ACSL1: variants seen among roughly 807,000 people sequenced by gnomAD.
ACSL1 encodes acyl-CoA synthetase long chain family member 1.
Under a neutral mutation model 98.4 loss-of-function variants are expected in ACSL1, and 41 were observed. The ratio of observed to expected loss-of-function variants is 0.42; its 90% CI spans 0.32 to 0.54. The LOEUF is 0.54. Ranked by LOEUF, ACSL1 falls within the 20% of genes least tolerant of loss-of-function variation. The probability of loss-of-function intolerance (pLI) is 0.13; values close to 1 mark genes in which losing one functional copy is unlikely to be tolerated. For synonymous variants in ACSL1, 316 were observed against 322.7 expected (o/e 0.98, Z 0.22); for missense variants, 734 against 883.1 (o/e 0.83, Z 2.14).
chr4:184,809,978 G>C (rs1397061087), intron 1 of ACSL1, among the ~76,000 whole-genome samples: 1 of 152,168 alleles, frequency 6.6e-6, no homozygotes, highest in East Asian at 1.9e-4. Context: ...TGAAATTGAA[G>C]CAGTTTTTGA....
intron 4 of ACSL1, among the ~76,000 whole-genome samples, chr4:184,781,059 A>AC (rs1235619055): frequency 4.0e-5 from 6 of 151,700 alleles, no homozygotes; most frequent in African/African-American, 9.7e-5. Flanking sequence ...ACATGGTAAA[A>AC]CCCCGTCTCT....
Position 184,797,760 on chromosome 4 carries a change from C to T in ACSL1, c.195+5560G>A, listed in dbSNP as rs1006374912. 2.6e-5 allele frequency among the ~76,000 whole-genome samples: 4 copies of T among 152,290 alleles called. No homozygotes were observed. The South Asian group carries it at 6.2e-4, about 24-fold the overall frequency. On this transcript the variant is annotated intron_variant, in intron 2 of 20. Coordinates refer to ENST00000281455, the MANE Select transcript of ACSL1 (RefSeq NM_001995.5). ...CACCCTCTGCCAAGGACAAGGGGTC[C>T]GAGCGGTACTTCCTGCTGGCCTGGA...
chr4:184,762,356 T>C, intron 17 of ACSL1, 51 bp downstream of exon 17: 1 of 1,475,218 alleles, frequency 6.8e-7, no homozygotes, highest in Non-Finnish European at 9.5e-7. Context: ...AGACATTTTC[T>C]TCCCCACAGT....
Position 184,757,406 on chromosome 4 carries a change from A to C in ACSL1, c.1957-141T>G. Reference sequence around the variant, plus strand: ...TCAGCCAAGCTGCACCTTCTCAACAAAGGACAGGCATCCTATTCTTAGGAT... The same window carrying C: ...TCAGCCAAGCTGCACCTTCTCAACACAGGACAGGCATCCTATTCTTAGGAT... On this transcript the variant is annotated intron_variant, in intron 20 of 20. Coordinates refer to ENST00000281455, the MANE Select transcript of ACSL1 (RefSeq NM_001995.5). The surrounding 1 kb of genome is among the most constrained non-coding windows in gnomAD (Gnocchi z 4.5). 1.8e-6 allele frequency: 2 copies of C among 1,104,722 alleles called. No homozygotes were observed. Among genetic ancestry groups the C allele is most frequent in the Non-Finnish European group, 2.6e-6 (2 of 783,894 alleles). 68.4% of individuals were successfully genotyped at this position (1,104,722 alleles called of 1,614,324 possible). A position where few individuals can be genotyped will look rare whatever the true frequency, so the allele number is the denominator to read the frequency against.
In ACSL1 at chr4:184,773,532, G is replaced by A; in HGVS notation, c.841+131C>T. 1 of 810,428 alleles carries A rather than the reference G, an allele frequency of 1.2e-6. No individual in the cohort carries two copies. The highest frequency in any genetic ancestry group is 1.8e-5 in the South Asian group (1 of 55,108). 50.2% of individuals were successfully genotyped at this position (810,428 alleles called of 1,614,324 possible). On this transcript the variant is annotated intron_variant, in intron 9 of 20. Coordinates refer to ENST00000281455, the MANE Select transcript of ACSL1 (RefSeq NM_001995.5). The surrounding 1 kb of genome is among the most constrained non-coding windows in gnomAD (Gnocchi z 4.3). ...GATCTTACAGAGCAACAAGAAGACA[G>A]CACTTGAACCGCTTCCTTCTCTTCT...
rs41278585 is a variant in ACSL1, at chr4:184,763,170, G to A, written c.1518C>T (p.Gly506=). ...ATGACTGACGGTTTTCACTCACCTC[G>A]CCCTCGCCCTCGGCAGCCATGTAAT... ...EMNYMAAEGE[G]EVCVKGPNVF... is the part of the protein sequence containing the mutation. Residue 506 remains glycine, a synonymous_variant, in exon 16 of 21, where the codon GGC becomes GGT. Coordinates refer to ENST00000281455, the MANE Select transcript of ACSL1 (RefSeq NM_001995.5). 13,695 of 1,613,058 alleles carry A rather than the reference G, an allele frequency of 8.5e-3. 109 individuals are homozygous for A. The highest frequency in any genetic ancestry group is 0.024 in the Middle Eastern group (147 of 6,054).
intron 2 of ACSL1, among the ~76,000 whole-genome samples, chr4:184,800,648 C>T (rs1159901062): frequency 2.6e-5 from 4 of 152,200 alleles, no homozygotes; most frequent in East Asian, 1.9e-4. Flanking sequence ...TTCCTTGGCA[C>T]GCAGGGCATC....
At chr4:184,760,960 T>C (rs964273377) in intron 17 of ACSL1, among the ~76,000 whole-genome samples, 3 of 152,260 alleles carry the variant, frequency 2.0e-5, no homozygotes, top group Non-Finnish European at 2.9e-5. Flanking sequence ...TCCTGTTTTC[T>C]TCCTCGATGT....
chr4:184,808,352 C>G, intron 1 of ACSL1: 1 of 985,414 alleles, frequency 1.0e-6, no homozygotes, highest in Non-Finnish European at 1.2e-6. Flanking sequence ...CTGGATGTTT[C>G]TCTCCTTCTA....
intron 7 of ACSL1, 36 bp downstream of exon 7, chr4:184,776,448 A>T: frequency 6.3e-7 from 1 of 1,593,612 alleles, no homozygotes; most frequent in Non-Finnish European, 8.5e-7. Context: ...GCCCCAGGGA[A>T]AGCCTTCAGA....
At chr4:184,818,066 A>G (rs1337301169) in intron 1 of ACSL1, among the ~76,000 whole-genome samples, 1 of 152,006 alleles carries the variant, frequency 6.6e-6, no homozygotes. Context: ...CCCCTCAAGA[A>G]CTCAGTTCCG....
At chr4:184,789,702 C>A (rs1175105318) in intron 2 of ACSL1, among the ~76,000 whole-genome samples, 2 of 152,202 alleles carry the variant, frequency 1.3e-5, no homozygotes, top group African/African-American at 4.8e-5. Flanking sequence ...GATAAGGCGG[C>A]AGGGCCTAGC....
chr4:184,817,669 C>A (rs1224511049), intron 1 of ACSL1, among the ~76,000 whole-genome samples: 1 of 152,032 alleles, frequency 6.6e-6, no homozygotes, highest in Non-Finnish European at 1.5e-5. Flanking sequence ...CAAAAGCCTG[C>A]AAAAAGGGAC....
chr4:184,816,958 T>C (rs1429143689), intron 1 of ACSL1, among the ~76,000 whole-genome samples: 1 of 152,094 alleles, frequency 6.6e-6, no homozygotes, highest in Non-Finnish European at 1.5e-5. Flanking sequence ...AACGCCCATA[T>C]ATTCAATTTG....
intron 1 of ACSL1, among the ~76,000 whole-genome samples, chr4:184,817,873 T>C (rs1772761635): frequency 6.6e-6 from 1 of 152,282 alleles, no homozygotes; most frequent in South Asian, 2.1e-4. Flanking sequence ...TGGCCTCCTC[T>C]GAAGGTCTGT....
At chr4:184,817,068 T>A (rs1018946277) in intron 1 of ACSL1, among the ~76,000 whole-genome samples, 1 of 152,160 alleles carries the variant, frequency 6.6e-6, no homozygotes, top group Non-Finnish European at 1.5e-5. Flanking sequence ...GCTTCCACAC[T>A]GCTAAGTTTT....
At chr4:184,772,472 G>C (rs1334998368) in intron 10 of ACSL1, among the ~76,000 whole-genome samples, 1 of 152,190 alleles carries the variant, frequency 6.6e-6, no homozygotes, top group African/African-American at 2.4e-5. Flanking sequence ...GGCAAGTTTG[G>C]AATAGGCTGT....
chr4:184,778,394 T>C (rs138263853), intron 5 of ACSL1, among the ~76,000 whole-genome samples: 1 of 152,180 alleles, frequency 6.6e-6, no homozygotes, highest in African/African-American at 2.4e-5. Context: ...CCCAGCTCCT[T>C]AGGCACATGT....
chr4:184,762,486 A>C lies in ACSL1; in HGVS notation c.1559T>G (p.Leu520Trp), dbSNP rs779487268. The change falls in exon 17 of 21, where the codon TTG becomes TGG. Residue 520 changes from leucine to tryptophan, a missense_variant. Coordinates refer to ENST00000281455, the MANE Select transcript of ACSL1 (RefSeq NM_001995.5). ...VKGPNVFQGY[L>W]KDPAKTAEAL... is the part of the protein sequence containing the mutation. ...TTCTGCTGTTTTCGCTGGGTCCTTC[A>C]AGTAGCCCTGAAATACATTTGGCCC... is the stretch of plus-strand genomic sequence containing the variant. The C allele has an allele frequency of 3.7e-6, 6 of 1,614,234 alleles. No individual in the cohort carries two copies. In the South Asian group the frequency reaches 6.6e-5, roughly 18 times the overall value.
Sources: gnomAD v4.1 joint callset for allele counts (sites outside exome capture counted in the v4.1 genomes callset) on GRCh38, gnomAD v4.1.1 for gene constraint, Gnocchi (gnomAD v3.1) non-coding constraint, MANE v1.5 for transcripts, NCBI Gene and HGNC (gene_info 2026-07-23, HGNC 2026-07-21) for gene names.